LRP1B: variants seen among roughly 807,000 people sequenced by gnomAD.
LRP1B encodes LDL receptor related protein 1B, also known as low-density lipoprotein receptor-related protein 1B.
LRP1B carries 217 observed loss-of-function variants against 556.6 expected under a neutral mutation model. That is an observed-to-expected ratio of 0.39 (90% CI 0.35 to 0.44). The LOEUF (loss-of-function observed/expected upper bound fraction) is 0.44, where lower values mean the gene tolerates loss of function less well. LRP1B is among the 20% of genes least tolerant of loss of function. LRP1B has a pLI of 1.00. For synonymous variants in LRP1B, 2,047 were observed against 1,865.8 expected, an observed-to-expected ratio of 1.10 and a Z score of -2.50; for missense variants, 5,053 against 5,620.8, an observed-to-expected ratio of 0.90 and a Z score of 3.23.
At chr2:141,052,004 G>A (rs1462558542) in intron 10 of LRP1B, among the ~76,000 whole-genome samples, 1 of 151,762 alleles carries the variant, frequency 6.6e-6, no homozygotes, top group Non-Finnish European at 1.5e-5. Context: ...TGTCTATGTT[G>A]AACCATTATC....
At chr2:141,127,530 A>T (rs879349725) in intron 7 of LRP1B, among the ~76,000 whole-genome samples, 3 of 152,182 alleles carry the variant, frequency 2.0e-5, no homozygotes, top group African/African-American at 7.2e-5. Context: ...GAAATGTGGC[A>T]CATATACACC....
intron 2 of LRP1B, among the ~76,000 whole-genome samples, chr2:141,698,472 T>G (rs766506190): frequency 1.1e-4 from 16 of 146,868 alleles, no homozygotes; most frequent in Non-Finnish European, 1.8e-4. Context: ...GATCCAGACA[T>G]TGCAAAATCT....
chr2:141,999,298 G>T (rs1702591224), intron 1 of LRP1B, among the ~76,000 whole-genome samples: 1 of 152,044 alleles, frequency 6.6e-6, no homozygotes, highest in African/African-American at 2.4e-5. Flanking sequence ...GAATGCTCTT[G>T]GCTGAGAGTG....
chr2:140,843,596 T>G (rs929586409), intron 29 of LRP1B, among the ~76,000 whole-genome samples: 2 of 152,194 alleles, frequency 1.3e-5, no homozygotes, highest in Non-Finnish European at 2.9e-5. Context: ...TTACCTGATC[T>G]TTCCACACTA....
intron 1 of LRP1B, among the ~76,000 whole-genome samples, chr2:141,987,760 T>A (rs184517923): frequency 4.6e-5 from 7 of 152,028 alleles, no homozygotes; most frequent in Admixed American, 4.6e-4. Context: ...TGTTTCTACA[T>A]GACATTTGAT....
chr2:141,858,032 A>G (rs1443368525), intron 1 of LRP1B, among the ~76,000 whole-genome samples: 3 of 152,182 alleles, frequency 2.0e-5, no homozygotes, highest in African/African-American at 7.2e-5. Context: ...CAATTATGAT[A>G]TAAAGTTAAA....
intron 18 of LRP1B, among the ~76,000 whole-genome samples, chr2:140,979,001 T>C (rs1269701770): frequency 1.3e-5 from 2 of 152,090 alleles, no homozygotes; most frequent in African/African-American, 4.8e-5. Context: ...TTTTTTGAGA[T>C]AGAGTCTCAC....
intron 7 of LRP1B, among the ~76,000 whole-genome samples, chr2:141,158,199 T>G (rs993989112): frequency 5.3e-5 from 8 of 152,142 alleles, no homozygotes; most frequent in African/African-American, 1.9e-4. Flanking sequence ...TAAGCCTCTT[T>G]TATCATGTAT....
intron 35 of LRP1B, among the ~76,000 whole-genome samples, chr2:140,745,856 A>C (rs936976999): frequency 1.3e-5 from 2 of 152,198 alleles, no homozygotes; most frequent in African/African-American, 4.8e-5. Flanking sequence ...TTGTCTCATC[A>C]GACCCAAAGA....
At chr2:140,367,339 G>C (rs1442471384) in intron 71 of LRP1B, among the ~76,000 whole-genome samples, 1 of 151,738 alleles carries the variant, frequency 6.6e-6, no homozygotes, top group Non-Finnish European at 1.5e-5. Flanking sequence ...CTGAATAATA[G>C]TACAATTGTC....
At chr2:140,883,135 G>A (rs1047147200) in intron 25 of LRP1B, among the ~76,000 whole-genome samples, 1 of 152,154 alleles carries the variant, frequency 6.6e-6, no homozygotes, top group Non-Finnish European at 1.5e-5. Context: ...TACACCCAGA[G>A]TATAAGTGAC....
intron 1 of LRP1B, among the ~76,000 whole-genome samples, chr2:142,016,976 A>G (rs1165673910): frequency 6.6e-6 from 1 of 151,504 alleles, no homozygotes; most frequent in African/African-American, 2.4e-5. Context: ...GTGTGTATAT[A>G]CATATATGTA....
chr2:141,158,033 GTTTA>G (rs971357266), intron 7 of LRP1B, among the ~76,000 whole-genome samples: 13 of 152,070 alleles, frequency 8.5e-5, no homozygotes, highest in African/African-American at 2.9e-4. Flanking sequence ...TTTTTAATGT[GTTTA>G]TTTATGGCTA....
intron 3 of LRP1B, among the ~76,000 whole-genome samples, chr2:141,272,836 T>C (rs1685137402): frequency 6.6e-6 from 1 of 152,056 alleles, no homozygotes; most frequent in Non-Finnish European, 1.5e-5. Flanking sequence ...GCTGACAGAA[T>C]TGCAGGGAAA....
At chr2:142,105,406 C>A (rs982213103) in intron 1 of LRP1B, among the ~76,000 whole-genome samples, 12 of 152,100 alleles carry the variant, frequency 7.9e-5, no homozygotes, top group African/African-American at 2.7e-4. Context: ...ATTGACACAT[C>A]CCATTAAATA....
At chr2:141,639,406 G>A (rs1455031505) in intron 2 of LRP1B, among the ~76,000 whole-genome samples, 1 of 112,046 alleles carries the variant, frequency 8.9e-6, no homozygotes, top group African/African-American at 3.4e-5. Context: ...ATATATATAT[G>A]TGTATATATA....
chr2:140,884,114 A>G, intron 24 of LRP1B, 93 bp from the exon 25 acceptor site: 1 of 1,124,128 alleles, frequency 8.9e-7, no homozygotes, highest in Non-Finnish European at 1.3e-6. Flanking sequence ...AGCAGTACAA[A>G]TTATTTCAAT....
intron 2 of LRP1B, among the ~76,000 whole-genome samples, chr2:141,584,650 A>G (rs1687067605): frequency 6.6e-6 from 1 of 152,210 alleles, no homozygotes; most frequent in Non-Finnish European, 1.5e-5. Context: ...CTTCAAACAC[A>G]CACACAACTA....
intron 50 of LRP1B, among the ~76,000 whole-genome samples, chr2:140,516,163 T>C (rs1260450685): frequency 1.3e-5 from 2 of 152,064 alleles, no homozygotes; most frequent in Non-Finnish European, 2.9e-5. Context: ...ATGTAATTAG[T>C]ACAAAATTTC....
Sources: gnomAD v4.1 joint callset for allele counts (sites outside exome capture counted in the v4.1 genomes callset) on GRCh38, gnomAD v4.1.1 for gene constraint, MANE v1.5 for transcripts, NCBI Gene and HGNC (gene_info 2026-07-23, HGNC 2026-07-21) for gene names.